PCDHA8: variants seen among roughly 807,000 people sequenced by gnomAD.
The protein encoded by PCDHA8 is protocadherin alpha 8.
A neutral mutation model predicts 61.8 loss-of-function variants in PCDHA8; 53 were observed. That is an observed-to-expected ratio of 0.86 (90% CI 0.69 to 1.08). The LOEUF (loss-of-function observed/expected upper bound fraction) is 1.08. PCDHA8 is among the 50% of genes least tolerant of loss of function. The probability of loss-of-function intolerance (pLI) is 0.00; values close to 1 mark genes in which losing one functional copy is unlikely to be tolerated. For missense variants in PCDHA8, 1,293 were observed against 1,245.0 expected, an observed-to-expected ratio of 1.04 and a Z score of -0.58; for synonymous variants, 618 against 556.6, an observed-to-expected ratio of 1.11 and a Z score of -1.55.
intron 1 of PCDHA8, chr5:140,876,688 T>A (rs1382110439): frequency 2.5e-6 from 4 of 1,614,172 alleles, no homozygotes; most frequent in Non-Finnish European, 3.4e-6. Context: ...GAATTACTAC[T>A]CGTTGGTGCT....
chr5:140,963,238 A>G (rs1347398946), intron 1 of PCDHA8, among the ~76,000 whole-genome samples: 1 of 152,090 alleles, frequency 6.6e-6, no homozygotes, highest in Non-Finnish European at 1.5e-5. Context: ...TGTTTGATGG[A>G]TTAGGTAGGT....
intron 1 of PCDHA8, among the ~76,000 whole-genome samples, chr5:140,936,899 A>G (rs2091202352): frequency 6.6e-6 from 1 of 152,188 alleles, no homozygotes; most frequent in South Asian, 2.1e-4. Context: ...AATTGGCACT[A>G]TATTGAATCT....
intron 1 of PCDHA8, among the ~76,000 whole-genome samples, chr5:140,931,749 G>A (rs368438680): frequency 2.0e-5 from 3 of 151,878 alleles, no homozygotes; most frequent in East Asian, 3.9e-4. Context: ...ATTCACAAAG[G>A]CATTTGTTAT....
intron 1 of PCDHA8, chr5:140,968,123 C>A: frequency 6.2e-7 from 1 of 1,614,178 alleles, no homozygotes; most frequent in Non-Finnish European, 8.5e-7. Context: ...CACATCCCTG[C>A]GTACACTGAA....
intron 3 of PCDHA8, among the ~76,000 whole-genome samples, chr5:141,008,894 A>G (rs782674482): frequency 9.9e-5 from 15 of 152,254 alleles, no homozygotes; most frequent in Non-Finnish European, 1.8e-4. Context: ...TGTTATTACA[A>G]TAAAATTAAG....
chr5:141,006,680 G>A (rs1449792614), intron 3 of PCDHA8, among the ~76,000 whole-genome samples: 5 of 152,036 alleles, frequency 3.3e-5, no homozygotes, highest in African/African-American at 1.2e-4. Flanking sequence ...AGTGAAAATT[G>A]GGAGAAGAGG....
intron 1 of PCDHA8, among the ~76,000 whole-genome samples, chr5:140,922,354 A>G (rs1208856231): frequency 6.6e-6 from 1 of 152,220 alleles, no homozygotes; most frequent in Non-Finnish European, 1.5e-5. Flanking sequence ...TTTCTAGAGT[A>G]GTGATTCTCA....
At chr5:140,877,347 G>A (rs2057054618) in intron 1 of PCDHA8, 3 of 1,614,010 alleles carry the variant, frequency 1.9e-6, no homozygotes, top group Admixed American at 1.7e-5. Flanking sequence ...TCCACGTGGG[G>A]CTGTACACTG....
At chr5:140,859,846 T>C (rs1156718746) in intron 1 of PCDHA8, 1 of 152,114 alleles carries the variant, frequency 6.6e-6, no homozygotes. Context: ...TTTTATCAAA[T>C]AGGTTTATGA....
intron 1 of PCDHA8, among the ~76,000 whole-genome samples, chr5:140,898,010 T>A (rs2066467224): frequency 6.6e-6 from 1 of 152,240 alleles, no homozygotes; most frequent in African/African-American, 2.4e-5. Context: ...TCTGTTCATA[T>A]CCTTTGCCCA....
chr5:140,910,965 C>T (rs1554194514), intron 1 of PCDHA8, among the ~76,000 whole-genome samples: 1 of 152,098 alleles, frequency 6.6e-6, no homozygotes, highest in Non-Finnish European at 1.5e-5. Context: ...TAGCACACCT[C>T]CTCATGGGTT....
At chr5:140,946,611 A>AATATAT (rs1554217734) in intron 1 of PCDHA8, among the ~76,000 whole-genome samples, 1,127 of 86,766 alleles carry the variant, frequency 0.013, 130 homozygotes, top group African/African-American at 0.067. Flanking sequence ...GAAAATGTGA[A>AATATAT]ATATATATAT....
At chr5:140,884,706 C>T (rs1554181856) in intron 1 of PCDHA8, 3 of 1,489,002 alleles carry the variant, frequency 2.0e-6, no homozygotes, top group Non-Finnish European at 8.9e-7. Flanking sequence ...ACACTTTAGC[C>T]TTCCTTGCAG....
intron 1 of PCDHA8, among the ~76,000 whole-genome samples, chr5:140,932,387 T>C (rs1419863335): frequency 6.6e-6 from 1 of 151,960 alleles, no homozygotes; most frequent in Non-Finnish European, 1.5e-5. Context: ...AAGTTATACA[T>C]AGTTTCAACA....
At chr5:140,882,208 G>C (rs1554173113) in intron 1 of PCDHA8, 2 of 1,531,598 alleles carry the variant, frequency 1.3e-6, no homozygotes, top group East Asian at 4.5e-5. Flanking sequence ...GGCCTTGAGA[G>C]ACAGTTTGAG....
At chr5:140,993,023 G>C (rs2097537603) in intron 3 of PCDHA8, among the ~76,000 whole-genome samples, 1 of 152,146 alleles carries the variant, frequency 6.6e-6, no homozygotes. Flanking sequence ...AGCATCCCCT[G>C]TGGGCTCCGT....
chr5:140,869,204 C>G (rs199956165), intron 1 of PCDHA8: 29 of 1,613,960 alleles, frequency 1.8e-5, no homozygotes, highest in Non-Finnish European at 2.4e-5. Flanking sequence ...CTCCACTACT[C>G]CGTCTCGGAG....
chr5:140,927,226 A>G, intron 1 of PCDHA8: 4 of 1,613,996 alleles, frequency 2.5e-6, no homozygotes, highest in Non-Finnish European at 3.4e-6. Context: ...CAAGATTCGG[A>G]TTCACGTCCT....
chr5:140,897,629 T>A (rs2066228656), intron 1 of PCDHA8, among the ~76,000 whole-genome samples: 1 of 152,116 alleles, frequency 6.6e-6, no homozygotes, highest in Non-Finnish European at 1.5e-5. Context: ...TACTATTGTG[T>A]ATAGTGCCAC....
Sources: allele counts gnomAD v4.1 joint callset (sites outside exome capture counted in the v4.1 genomes callset), GRCh38; gene constraint gnomAD v4.1.1; transcripts MANE v1.5; gene names NCBI Gene and HGNC (gene_info 2026-07-23, HGNC 2026-07-21).